TRDN: variants seen among roughly 807,000 people sequenced by gnomAD.
The protein encoded by TRDN is triadin, also known as triadin in skeletal muscle.
In TRDN, 161 loss-of-function variants were observed where a neutral mutation model predicts 149.7. The observed-to-expected ratio is 1.08, with a 90% CI of 0.95 to 1.23. The LOEUF (loss-of-function observed/expected upper bound fraction) is 1.23, where lower values mean the gene tolerates loss of function less well. Ranked by LOEUF, TRDN falls within the 50% of genes most tolerant of loss-of-function variation. The probability of loss-of-function intolerance (pLI) is 0.00; values close to 1 mark genes in which losing one functional copy is unlikely to be tolerated. For synonymous variants in TRDN, 294 were observed against 250.5 expected (o/e 1.17, Z -1.64); for missense variants, 896 against 823.5 (o/e 1.09, Z -1.08).
intron 21 of TRDN, chr6:123,351,974 C>A: frequency 2.1e-6 from 2 of 975,052 alleles, no homozygotes; most frequent in Non-Finnish European, 2.4e-6. Flanking sequence ...TACATAAATA[C>A]AAATAAAATG....
intron 9 of TRDN, among the ~76,000 whole-genome samples, chr6:123,483,068 TA>T (rs1562339245): frequency 0.043 from 735 of 17,130 alleles, 3 homozygotes; most frequent in African/African-American, 0.16. Flanking sequence ...ATTTCTCATT[TA>T]TTATTATTAT....
chr6:123,459,436 A>G (rs1776323138), intron 10 of TRDN, among the ~76,000 whole-genome samples: 1 of 152,026 alleles, frequency 6.6e-6, no homozygotes, highest in African/African-American at 2.4e-5. Flanking sequence ...GTGGTCCCCT[A>G]CTGAAGGACA....
chr6:123,365,254 T>C (rs1781047779), intron 20 of TRDN, among the ~76,000 whole-genome samples: 1 of 152,136 alleles, frequency 6.6e-6, no homozygotes, highest in South Asian at 2.1e-4. Context: ...ATTCACTAAT[T>C]TTTGTTGCTT....
intron 9 of TRDN, among the ~76,000 whole-genome samples, chr6:123,492,021 G>T (rs1778244365): frequency 6.6e-6 from 1 of 152,110 alleles, no homozygotes; most frequent in South Asian, 2.1e-4. Flanking sequence ...TCAAGAAAAG[G>T]ATCTTAATAA....
At chr6:123,233,000 C>T (rs1181282050) in intron 38 of TRDN, among the ~76,000 whole-genome samples, 2 of 152,040 alleles carry the variant, frequency 1.3e-5, no homozygotes, top group African/African-American at 2.4e-5. Context: ...CATGTGGAAT[C>T]CTTAGTCATA....
intron 12 of TRDN, among the ~76,000 whole-genome samples, chr6:123,415,242 T>C (rs1468931427): frequency 6.6e-6 from 1 of 152,216 alleles, no homozygotes; most frequent in Non-Finnish European, 1.5e-5. Context: ...AATTTTCCCA[T>C]GAGACATGAT....
intron 8 of TRDN, chr6:123,503,245 T>C: frequency 1.0e-6 from 1 of 985,060 alleles, no homozygotes; most frequent in East Asian, 1.1e-4. Flanking sequence ...TTCTAAATGA[T>C]GTGCTCTTGC....
At chr6:123,444,506 A>C (rs886684303) in intron 10 of TRDN, among the ~76,000 whole-genome samples, 9 of 150,726 alleles carry the variant, frequency 6.0e-5, no homozygotes, top group Non-Finnish European at 1.3e-4. Context: ...ATTGAATACC[A>C]TTTATTTCCT....
chr6:123,218,555 A>G lies in TRDN; in HGVS notation c.*46T>C. On this transcript the variant is annotated 3_prime_UTR_variant, in exon 41 of 41. Coordinates refer to ENST00000334268, the MANE Select transcript of TRDN (RefSeq NM_006073.4). ...CCTGAACTACTGTGGACAAAACATC[A>G]CATTTTTAAAATCTTAAAGCACTTG... is the stretch of plus-strand genomic sequence containing the variant. 6.4e-7 allele frequency: 1 copy of G among 1,570,862 alleles called. No homozygotes were observed. Among genetic ancestry groups the G allele is most frequent in the Non-Finnish European group, 8.6e-7 (1 of 1,159,988 alleles).
chr6:123,581,661 C>A (rs895948770), intron 1 of TRDN, among the ~76,000 whole-genome samples: 2 of 152,018 alleles, frequency 1.3e-5, no homozygotes, highest in African/African-American at 4.8e-5. Context: ...GAGAGGTATG[C>A]TAGTGGTAGA....
At chr6:123,615,722 A>G (rs1203159479) in intron 1 of TRDN, among the ~76,000 whole-genome samples, 1 of 152,186 alleles carries the variant, frequency 6.6e-6, no homozygotes, top group African/African-American at 2.4e-5. Flanking sequence ...CGTAGAGAGT[A>G]GAATAGTGGT....
At position 123,362,388 on chromosome 6, in the gene TRDN, A is replaced by C. The variant is rs555971887; in HGVS notation, c.1321+3747T>G. On this transcript the variant is annotated intron_variant, in intron 20 of 40. Coordinates refer to ENST00000334268, the MANE Select transcript of TRDN (RefSeq NM_006073.4). ...CTTACAATTTTTCATCACCTCCCTAATTGCCCATGGAATAAAGTCCAATTT... is the reference window on the plus strand; with the variant it reads ...CTTACAATTTTTCATCACCTCCCTACTTGCCCATGGAATAAAGTCCAATTT... Among the ~76,000 whole-genome samples the C allele has an allele frequency of 3.2e-4, 49 of 152,226 alleles. 1 individual carries two copies. Among genetic ancestry groups the C allele is most frequent in the Middle Eastern group, 3.4e-3 (1 of 294 alleles).
chr6:123,487,603 A>T (rs1562341560), intron 9 of TRDN, among the ~76,000 whole-genome samples: 1 of 152,032 alleles, frequency 6.6e-6, no homozygotes, highest in Non-Finnish European at 1.5e-5. Context: ...ACTTCCCTTT[A>T]TGCCAAATAT....
intron 7 of TRDN, among the ~76,000 whole-genome samples, chr6:123,505,562 C>G (rs1403560851): frequency 6.6e-6 from 1 of 152,132 alleles, no homozygotes; most frequent in Non-Finnish European, 1.5e-5. Flanking sequence ...CAACAATAAG[C>G]TAACCTGGTC....
At chr6:123,628,478 C>A (rs373927385) in intron 1 of TRDN, among the ~76,000 whole-genome samples, 1 of 151,754 alleles carries the variant, frequency 6.6e-6, no homozygotes, top group Non-Finnish European at 1.5e-5. Flanking sequence ...CACAGATCAC[C>A]GAAACAGACA....
intron 12 of TRDN, among the ~76,000 whole-genome samples, chr6:123,430,017 C>A (rs972625610): frequency 7.9e-5 from 12 of 152,222 alleles, no homozygotes; most frequent in Admixed American, 2.6e-4. Context: ...TGCCTGTAAT[C>A]CCAGCACTTT....
intron 38 of TRDN, among the ~76,000 whole-genome samples, chr6:123,249,926 A>G (rs73549324): frequency 0.069 from 10,428 of 152,184 alleles, 1,063 homozygotes; most frequent in African/African-American, 0.22. Flanking sequence ...TTTGCTGATG[A>G]TACGATCTTA....
At chr6:123,584,570 C>A (rs141603588) in intron 1 of TRDN, among the ~76,000 whole-genome samples, 33 of 151,994 alleles carry the variant, frequency 2.2e-4, no homozygotes, top group African/African-American at 7.0e-4. Context: ...AGGGAACGCA[C>A]GTGTGTTTTT....
intron 12 of TRDN, among the ~76,000 whole-genome samples, chr6:123,428,585 A>C (rs1774215430): frequency 6.6e-6 from 1 of 152,220 alleles, no homozygotes; most frequent in Non-Finnish European, 1.5e-5. Context: ...GCCACTTGCA[A>C]GATCAAGTAT....
Sources: gnomAD v4.1 joint callset for allele counts (sites outside exome capture counted in the v4.1 genomes callset) on GRCh38, gnomAD v4.1.1 for gene constraint, MANE v1.5 for transcripts, NCBI Gene and HGNC (gene_info 2026-07-23, HGNC 2026-07-21) for gene names.